Variants in DIP2C observed in about 807,000 individuals in gnomAD.
DIP2C encodes disco-interacting protein 2 homolog C.
A neutral mutation model predicts 192.4 loss-of-function variants in DIP2C; 33 were observed. The ratio of observed to expected loss-of-function variants is 0.17; its 90% CI spans 0.13 to 0.23. The LOEUF is 0.23. Among genes scored for constraint, DIP2C ranks in the 10% least tolerant of loss-of-function variants. The pLI, the probability that DIP2C is intolerant of heterozygous loss-of-function variation, is 1.00. For missense variants in DIP2C, 1,537 were observed against 2,110.1 expected (o/e 0.73, Z 5.32); for synonymous variants, 979 against 864.1 (o/e 1.13, Z -2.33).
intron 3 of DIP2C, among the ~76,000 whole-genome samples, chr10:465,198 T>C (rs1034884094): frequency 2.8e-5 from 4 of 141,352 alleles, no homozygotes; most frequent in African/African-American, 8.1e-5. Context: ...CATGATCAAG[T>C]GGGCTTCATC....
intron 17 of DIP2C, among the ~76,000 whole-genome samples, chr10:381,139 CACT>C (rs1322231377): frequency 1.3e-5 from 2 of 152,166 alleles, no homozygotes; most frequent in African/African-American, 4.8e-5. Flanking sequence ...AGATTTTCAC[CACT>C]GAGATAGAGT....
intron 1 of DIP2C, among the ~76,000 whole-genome samples, chr10:527,047 G>GCCA (rs758439059): frequency 1.1e-4 from 17 of 152,204 alleles, no homozygotes; most frequent in Non-Finnish European, 8.8e-5. Context: ...TCTGCAGTGA[G>GCCA]CCACCACACA....
intron 4 of DIP2C, among the ~76,000 whole-genome samples, chr10:433,613 G>A (rs547562756): frequency 2.7e-4 from 41 of 152,254 alleles, no homozygotes; most frequent in South Asian, 8.3e-4. Flanking sequence ...TCTGGGAGGC[G>A]GAGGTTGCAC....
chr10:575,352 A>G (rs1850085224), intron 1 of DIP2C, among the ~76,000 whole-genome samples: 1 of 152,224 alleles, frequency 6.6e-6, no homozygotes. Context: ...GAAGTTTTCA[A>G]ATGAAGGGAC....
At chr10:566,603 G>A (rs1387115817) in intron 1 of DIP2C, among the ~76,000 whole-genome samples, 1 of 152,244 alleles carries the variant, frequency 6.6e-6, no homozygotes, top group East Asian at 1.9e-4. Context: ...CCAGAGGCGA[G>A]GGCCCATGAG....
At chr10:378,191 T>C (rs893998395) in intron 17 of DIP2C, among the ~76,000 whole-genome samples, 3 of 152,118 alleles carry the variant, frequency 2.0e-5, no homozygotes, top group Non-Finnish European at 4.4e-5. Flanking sequence ...AAACACAAAA[T>C]ATAACAGGAC....
At chr10:448,273 C>G (rs1359732454) in intron 3 of DIP2C, among the ~76,000 whole-genome samples, 2 of 128,168 alleles carry the variant, frequency 1.6e-5, no homozygotes, top group African/African-American at 7.0e-5. Context: ...TCATCCCTGT[C>G]TATACTCAGG....
At chr10:572,485 C>T (rs1164958974) in intron 1 of DIP2C, among the ~76,000 whole-genome samples, 2 of 152,202 alleles carry the variant, frequency 1.3e-5, no homozygotes, top group African/African-American at 4.8e-5. Context: ...ATATTCCCAT[C>T]ACACCCCTCC....
At chr10:414,562 T>C in intron 7 of DIP2C, among the ~76,000 whole-genome samples, 1 of 151,714 alleles carries the variant, frequency 6.6e-6, no homozygotes. Flanking sequence ...TTGGCTGGAG[T>C]GCAGTGGCAT....
chr10:473,313 G>A (rs865975022), intron 2 of DIP2C, among the ~76,000 whole-genome samples: 1 of 152,164 alleles, frequency 6.6e-6, no homozygotes, highest in Non-Finnish European at 1.5e-5. Flanking sequence ...ACAGTTCCAC[G>A]AAGAACTACT....
intron 23 of DIP2C, 51 bp from the exon 24 acceptor site, chr10:356,557 G>A (rs1473948791): frequency 6.5e-7 from 1 of 1,546,898 alleles, no homozygotes; most frequent in East Asian, 2.3e-5. Flanking sequence ...GGATCAGGCT[G>A]TGCGGGCTGA....
At chr10:456,708 G>A (rs755417860) in intron 3 of DIP2C, among the ~76,000 whole-genome samples, 6 of 152,158 alleles carry the variant, frequency 3.9e-5, no homozygotes, top group Non-Finnish European at 5.9e-5. Context: ...CACTACACAG[G>A]GCCATCTGTG....
At chr10:561,327 A>G (rs1333729218) in intron 1 of DIP2C, among the ~76,000 whole-genome samples, 1 of 152,188 alleles carries the variant, frequency 6.6e-6, no homozygotes, top group East Asian at 1.9e-4. Context: ...TGGAGGCAGC[A>G]ATTGCCCACT....
chr10:300,076 T>C (rs1955947388), intron 32 of DIP2C, among the ~76,000 whole-genome samples: 1 of 152,150 alleles, frequency 6.6e-6, no homozygotes, highest in African/African-American at 2.4e-5. Context: ...GGTAAAACAA[T>C]GCAGCGGCTG....
rs1848913359 is a variant in DIP2C at position 556,984 on chromosome 10, A to C, written c.86-70454T>G. ...CCATTTTCCTCAGCTTTAAGACAAC[A>C]GCCAGGGCTTCTCAGATGGCCCAGG... On this transcript the variant is annotated intron_variant, in intron 1 of 36. Coordinates refer to ENST00000280886, the MANE Select transcript of DIP2C (RefSeq NM_014974.3). Among the ~76,000 whole-genome samples, 6 of 152,184 alleles carry C rather than the reference A, an allele frequency of 3.9e-5. No homozygotes were observed. In the South Asian group the frequency reaches 1.2e-3, roughly 32 times the overall value.
intron 1 of DIP2C, among the ~76,000 whole-genome samples, chr10:547,335 C>G (rs55779702): frequency 0.21 from 31,731 of 152,168 alleles, 4,164 homozygotes; most frequent in Non-Finnish European, 0.29. Context: ...CCAGGCCCAG[C>G]GAGCACTTCT....
intron 3 of DIP2C, among the ~76,000 whole-genome samples, chr10:447,974 G>A (rs1199805895): frequency 9.9e-6 from 1 of 100,914 alleles, no homozygotes; most frequent in Non-Finnish European, 1.8e-5. Flanking sequence ...CACCCCCGTT[G>A]ATATTCAGGA....
chr10:637,589 ACCT>A (rs1300303717), intron 1 of DIP2C, among the ~76,000 whole-genome samples: 1 of 151,974 alleles, frequency 6.6e-6, no homozygotes, highest in Non-Finnish European at 1.5e-5. Context: ...GACCCTCATG[ACCT>A]CCTCACCACC....
chr10:529,048 C>T (rs183315087), intron 1 of DIP2C, among the ~76,000 whole-genome samples: 1 of 152,316 alleles, frequency 6.6e-6, no homozygotes, highest in East Asian at 1.9e-4. Flanking sequence ...GACGGCGCTG[C>T]CGGCATCTCC....
Sources: gnomAD v4.1 joint callset for allele counts (sites outside exome capture counted in the v4.1 genomes callset) on GRCh38, gnomAD v4.1.1 for gene constraint, MANE v1.5 for transcripts, NCBI Gene and HGNC (gene_info 2026-07-23, HGNC 2026-07-21) for gene names.